Variants in ZNF469 observed in about 807,000 individuals in gnomAD.
ZNF469 encodes the protein zinc finger protein 469.
In ZNF469, 1 loss-of-function variant was observed where a neutral mutation model predicts 1.0. The ratio of observed to expected loss-of-function variants is 1.00; its 90% confidence interval spans 0.35 to 4.73. The LOEUF (loss-of-function observed/expected upper bound fraction) is 4.73. ZNF469 is among the 30% of genes most tolerant of loss of function. The pLI is 0.16. For synonymous variants in ZNF469, 2,703 were observed against 2,363.4 expected (o/e 1.14, Z -4.17); for missense variants, 6,100 against 5,356.3 (o/e 1.14, Z -4.33).
the ZNF469 span, among the ~76,000 whole-genome samples, chr16:88,250,335 G>A: frequency 6.6e-6 from 1 of 152,120 alleles, no homozygotes; most frequent in South Asian, 2.1e-4. Context: ...GGCTTCTTTT[G>A]TTCAATATAT....
chr16:88,371,422 A>C, the ZNF469 span, among the ~76,000 whole-genome samples: 287 of 152,342 alleles, frequency 1.9e-3, 1 homozygote, highest in Middle Eastern at 6.8e-3. Flanking sequence ...ATATGTCCCC[A>C]GTTCAGTCCT....
In ZNF469 at chr16:88,428,260, C is replaced by G. The variant is rs1905842865; in HGVS notation, c.790C>G (p.Pro264Ala). The change falls in exon 3 of 3, where the codon CCC (proline) becomes GCC (alanine). Residue 264 changes from proline to alanine, a missense_variant. Coordinates refer to ENST00000565624, the MANE Select transcript of ZNF469 (RefSeq NM_001367624.2). ...GGAACCTATTCCCAAAGGCAGCAGGCCCGGCGGCAGCCCCAGGGGAGTTTC... is the reference window on the plus strand; with the variant it reads ...GGAACCTATTCCCAAAGGCAGCAGGGCCGGCGGCAGCCCCAGGGGAGTTTC... ...EPEPIPKGSR[P>A]GGSPRGVSFQ... The G allele has an allele frequency of 4.5e-6, 7 of 1,550,272 alleles. No individual in the cohort carries two copies. The highest frequency in any genetic ancestry group is 2.0e-5 in the Admixed American group (1 of 50,982).
At chr16:88,393,308 C>T (rs931261198) in intron 1 of ZNF469, among the ~76,000 whole-genome samples, 5 of 152,244 alleles carry the variant, frequency 3.3e-5, no homozygotes, top group African/African-American at 4.8e-5. Context: ...CCAGGGCCCG[C>T]GGCATCCGAT....
At chr16:88,420,489 T>G (rs1905424887) in intron 1 of ZNF469, among the ~76,000 whole-genome samples, 1 of 152,146 alleles carries the variant, frequency 6.6e-6, no homozygotes, top group South Asian at 2.1e-4. Context: ...GAGGCCCAAT[T>G]GGACAGTGGC....
chr16:88,173,886 T>C, the ZNF469 span, among the ~76,000 whole-genome samples: 1 of 151,436 alleles, frequency 6.6e-6, no homozygotes, highest in African/African-American at 2.4e-5. Flanking sequence ...TCATTAAAAA[T>C]AAGACCCTCG....
chr16:88,119,563 C>T, the ZNF469 span, among the ~76,000 whole-genome samples: 1 of 152,248 alleles, frequency 6.6e-6, no homozygotes, highest in South Asian at 2.1e-4. Context: ...TGATGAACAA[C>T]ACCTGCTCCT....
chr16:88,241,653 C>T, the ZNF469 span, among the ~76,000 whole-genome samples: 6 of 152,308 alleles, frequency 3.9e-5, no homozygotes, highest in East Asian at 3.9e-4. This position sits in a 1 kb window ranked among gnomAD's most constrained non-coding sequence, Gnocchi z 4.8. Context: ...CCACCCATCC[C>T]GATCACACCA....
the ZNF469 span, among the ~76,000 whole-genome samples, chr16:88,377,627 G>A: frequency 6.6e-6 from 1 of 152,008 alleles, no homozygotes; most frequent in Non-Finnish European, 1.5e-5. Context: ...CCTCCCTCAA[G>A]CTTCCCTCTG....
chr16:88,259,405 G>A, the ZNF469 span, among the ~76,000 whole-genome samples: 1 of 152,230 alleles, frequency 6.6e-6, no homozygotes, highest in Non-Finnish European at 1.5e-5. This position sits in a 1 kb window ranked among gnomAD's most constrained non-coding sequence, Gnocchi z 4.1. Flanking sequence ...TTTCCAGCCG[G>A]GCTGCTCAGG....
At chr16:88,122,462 C>T in the ZNF469 span, among the ~76,000 whole-genome samples, 79 of 149,104 alleles carry the variant, frequency 5.3e-4, no homozygotes, top group African/African-American at 1.9e-3. Context: ...GCCACGGCAG[C>T]CACTCTGATC....
At chr16:88,283,193 G>A in the ZNF469 span, among the ~76,000 whole-genome samples, 20 of 152,048 alleles carry the variant, frequency 1.3e-4, no homozygotes, top group African/African-American at 4.6e-4. Flanking sequence ...ACGTTTCTGG[G>A]GTGATGGAAA....
the ZNF469 span, among the ~76,000 whole-genome samples, chr16:88,146,053 C>G: frequency 6.6e-6 from 1 of 152,264 alleles, no homozygotes; most frequent in Non-Finnish European, 1.5e-5. Flanking sequence ...ACACCGCCTC[C>G]CTCCACACGG....
At chr16:88,364,433 T>C in the ZNF469 span, among the ~76,000 whole-genome samples, 1 of 151,142 alleles carries the variant, frequency 6.6e-6, no homozygotes, top group African/African-American at 2.4e-5. Flanking sequence ...CTGGCTATTA[T>C]TGTTCCTTGC....
the ZNF469 span, among the ~76,000 whole-genome samples, chr16:88,199,705 C>G: frequency 6.6e-6 from 1 of 152,230 alleles, no homozygotes; most frequent in African/African-American, 2.4e-5. Context: ...AGCCTCAGGC[C>G]AGGTGCAGGG....
the ZNF469 span, among the ~76,000 whole-genome samples, chr16:88,146,182 G>C: frequency 6.6e-6 from 1 of 152,164 alleles, no homozygotes; most frequent in Non-Finnish European, 1.5e-5. Context: ...ATGCACCAGC[G>C]GCACCACGAC....
chr16:88,239,703 A>T, the ZNF469 span, among the ~76,000 whole-genome samples: 1 of 6,318 alleles, frequency 1.6e-4, no homozygotes, highest in African/African-American at 9.3e-4. Flanking sequence ...ATATATATAT[A>T]TATATATATA....
chr16:88,173,933 A>T, the ZNF469 span, among the ~76,000 whole-genome samples: 3 of 152,206 alleles, frequency 2.0e-5, no homozygotes, highest in Non-Finnish European at 2.9e-5. Flanking sequence ...AGGAAAGAAG[A>T]AAGAAAGAAC....
the ZNF469 span, among the ~76,000 whole-genome samples, chr16:88,259,544 C>CA: frequency 1.3e-5 from 2 of 152,202 alleles, no homozygotes; most frequent in Non-Finnish European, 2.9e-5. The surrounding 1 kb of genome is among the most constrained non-coding windows in gnomAD (Gnocchi z 4.1). Flanking sequence ...TCTCCAGGGC[C>CA]ACGGCAGCTG....
At chr16:88,283,606 G>A in the ZNF469 span, among the ~76,000 whole-genome samples, 1 of 152,346 alleles carries the variant, frequency 6.6e-6, no homozygotes, top group Admixed American at 6.5e-5. Context: ...TGGGTTGGGG[G>A]TATCTGTTAC....
Sources: allele counts gnomAD v4.1 joint callset (sites outside exome capture counted in the v4.1 genomes callset), GRCh38; gene constraint gnomAD v4.1.1; non-coding constraint Gnocchi (gnomAD v3.1); transcripts MANE v1.5; gene names NCBI Gene and HGNC (gene_info 2026-07-23, HGNC 2026-07-21).